PARN: variants seen among roughly 807,000 people sequenced by gnomAD.
PARN encodes poly(A)-specific ribonuclease PARN.
Under a neutral mutation model 102.8 loss-of-function variants are expected in PARN, and 71 were observed. The ratio of observed to expected loss-of-function variants is 0.69; its 90% CI spans 0.57 to 0.84. The LOEUF (loss-of-function observed/expected upper bound fraction) is 0.84, where lower values mean the gene tolerates loss of function less well. Among genes scored for constraint, PARN ranks in the 40% least tolerant of loss-of-function variants. PARN has a pLI of 0.00. For synonymous variants in PARN, 261 were observed against 252.9 expected (o/e 1.03, Z -0.30); for missense variants, 782 against 760.9 (o/e 1.03, Z -0.33).
intron 10 of PARN, among the ~76,000 whole-genome samples, chr16:14,606,163 G>A (rs1358691580): frequency 6.6e-6 from 1 of 152,130 alleles, no homozygotes; most frequent in African/African-American, 2.4e-5. Flanking sequence ...ACTCTGCGAG[G>A]CCGAGGCGGG....
intron 18 of PARN, among the ~76,000 whole-genome samples, chr16:14,570,606 T>C (rs1029793981): frequency 2.8e-5 from 4 of 144,722 alleles, no homozygotes; most frequent in African/African-American, 7.8e-5. Flanking sequence ...ACAAAGATCA[T>C]GCCACTGCAC....
intron 22 of PARN, among the ~76,000 whole-genome samples, chr16:14,464,131 C>T (rs1032528649): frequency 6.6e-6 from 1 of 152,228 alleles, no homozygotes; most frequent in Non-Finnish European, 1.5e-5. Context: ...GCATGAGCCA[C>T]TGCACCCAGC....
At chr16:14,608,987 G>A in intron 8 of PARN, 71 bp downstream of exon 8, 1 of 770,386 alleles carries the variant, frequency 1.3e-6, no homozygotes, top group Non-Finnish European at 2.2e-6. Context: ...TAAAAGACTA[G>A]ATGCATCAAA....
intron 12 of PARN, among the ~76,000 whole-genome samples, chr16:14,593,682 T>C (rs568109406): frequency 2.6e-5 from 4 of 151,966 alleles, no homozygotes; most frequent in African/African-American, 9.7e-5. Context: ...TAGTAAAATT[T>C]TGATTGAAAA....
intron 18 of PARN, among the ~76,000 whole-genome samples, chr16:14,565,550 A>T (rs947480220): frequency 1.3e-5 from 2 of 152,280 alleles, no homozygotes; most frequent in Non-Finnish European, 2.9e-5. Flanking sequence ...GGCCTGTAAA[A>T]CAACATACTG....
intron 21 of PARN, among the ~76,000 whole-genome samples, chr16:14,484,186 G>A (rs1426064923): frequency 6.6e-6 from 1 of 152,124 alleles, no homozygotes; most frequent in Non-Finnish European, 1.5e-5. Context: ...TTGAACACTG[G>A]GGCTTAATCC....
In PARN at chr16:14,482,645, T is replaced by C; in HGVS notation, c.1663A>G (p.Asn555Asp). 6.3e-7 allele frequency: 1 copy of C among 1,599,704 alleles called. No individual in the cohort carries two copies. ...ACAGCTGAGAGCTCTTACCTATTGTTGCGGTAATAGTGATTCTGCAGGGTG... is the reference window on the plus strand; with the variant it reads ...ACAGCTGAGAGCTCTTACCTATTGTCGCGGTAATAGTGATTCTGCAGGGTG... ...PYTLQNHYYRNNSFTAPSTVG... is the reference protein window; with the variant it reads ...PYTLQNHYYRDNSFTAPSTVG... Residue 555 changes from asparagine to aspartate, a missense_variant, in exon 22 of 24, where the codon AAC becomes GAC. Transcript: ENST00000437198.
At chr16:14,535,595 A>T (rs1017474685) in intron 21 of PARN, among the ~76,000 whole-genome samples, 12 of 152,348 alleles carry the variant, frequency 7.9e-5, no homozygotes, top group African/African-American at 2.9e-4. Flanking sequence ...TACAGTCAGC[A>T]ACAAAAACAG....
Position 14,617,636 on chromosome 16 carries a change from G to T in PARN, c.342C>A (p.Asp114Glu). The T allele has an allele frequency of 6.3e-7, 1 of 1,596,340 alleles. No homozygotes were observed. Among genetic ancestry groups the T allele is most frequent in the Non-Finnish European group, 8.6e-7 (1 of 1,163,868 alleles). Residue 114 changes from aspartate (D) to glutamate (E), a missense_variant, in exon 6 of 24, where the codon GAC becomes GAA. By Grantham distance (45) the Asp-to-Glu change is conservative. Transcript: ENST00000437198. ...AATCAAATCCCTGGCTTGCTAGAAA[G>T]TCAATGCTGGAGCTCTGAAACAGAG... is the stretch of plus-strand genomic sequence containing the variant. ...VKFVCQSSSIDFLASQGFDFN... is the reference protein window; with the variant it reads ...VKFVCQSSSIEFLASQGFDFN...
At chr16:14,577,762 G>A (rs887988024) in intron 18 of PARN, among the ~76,000 whole-genome samples, 1 of 152,016 alleles carries the variant, frequency 6.6e-6, no homozygotes, top group African/African-American at 2.4e-5. Flanking sequence ...CTGCCTCCTG[G>A]GTTCAAGCAA....
chr16:14,482,467 A>C (rs1265173019), intron 22 of PARN, among the ~76,000 whole-genome samples, 171 bp downstream of exon 22: 2 of 152,222 alleles, frequency 1.3e-5, no homozygotes, highest in African/African-American at 4.8e-5. Flanking sequence ...TCTATAAAGC[A>C]GTCTCTAAAA....
At chr16:14,551,441 C>T (rs1348738304) in intron 21 of PARN, among the ~76,000 whole-genome samples, 1 of 151,724 alleles carries the variant, frequency 6.6e-6, no homozygotes, top group Non-Finnish European at 1.5e-5. Flanking sequence ...TCATGTTGCG[C>T]GCCTGTAATC....
intron 10 of PARN, among the ~76,000 whole-genome samples, chr16:14,604,587 A>C (rs937525551): frequency 2.6e-4 from 39 of 151,816 alleles, no homozygotes; most frequent in Admixed American, 5.3e-4. Flanking sequence ...TCTAGAGACA[A>C]CTTAATCCAA....
intron 21 of PARN, among the ~76,000 whole-genome samples, chr16:14,529,900 A>G (rs1966226685): frequency 6.6e-6 from 1 of 151,998 alleles, no homozygotes; most frequent in Non-Finnish European, 1.5e-5. Context: ...CCCTACAGAA[A>G]TCCAGAAATC....
At chr16:14,553,750 G>C (rs1967478647) in intron 20 of PARN, among the ~76,000 whole-genome samples, 5 of 152,204 alleles carry the variant, frequency 3.3e-5, no homozygotes, top group Admixed American at 3.3e-4. Context: ...CACAAACCCT[G>C]TGAGTTTAAT....
At chr16:14,489,189 G>A (rs1963914593) in intron 21 of PARN, among the ~76,000 whole-genome samples, 1 of 152,088 alleles carries the variant, frequency 6.6e-6, no homozygotes, top group South Asian at 2.1e-4. Flanking sequence ...GTACTGGAAG[G>A]GAATCAGGAG....
intron 18 of PARN, among the ~76,000 whole-genome samples, chr16:14,575,174 G>C (rs933124835): frequency 1.3e-5 from 2 of 152,192 alleles, no homozygotes; most frequent in Non-Finnish European, 2.9e-5. Flanking sequence ...GGGAAATGTG[G>C]GGTCAGAACC....
Position 14,563,476 on chromosome 16 carries a change from T to TTG in PARN, c.1263-7769_1263-7768dup, listed in dbSNP as rs56099416. On this transcript the variant is annotated intron_variant, in intron 18 of 23. Coordinates refer to ENST00000437198, the MANE Select transcript of PARN (RefSeq NM_002582.4). ...AGTTTTAATGTGTTTGAAAATTCCT[T>TTG]TGTGTGTGTGTGTGTGTGTGTGTGT... 1.9e-4 allele frequency among the ~76,000 whole-genome samples: 28 copies of TTG among 143,756 alleles called. 1 individual carries two copies. The East Asian group carries it at 2.7e-3, about 14-fold the overall frequency. 94.3% of individuals were successfully genotyped at this position (143,756 alleles called of 152,430 possible).
chr16:14,589,569 A>C (rs1164670566), intron 13 of PARN, among the ~76,000 whole-genome samples: 1 of 151,740 alleles, frequency 6.6e-6, no homozygotes, highest in Non-Finnish European at 1.5e-5. Context: ...TCTCTCAAAA[A>C]AGAAAAAAAA....
Sources: gnomAD v4.1 joint callset for allele counts (sites outside exome capture counted in the v4.1 genomes callset) on GRCh38, gnomAD v4.1.1 for gene constraint, MANE v1.5 for transcripts, NCBI Gene and HGNC (gene_info 2026-07-23, HGNC 2026-07-21) for gene names.